LRP2: variants seen among roughly 807,000 people sequenced by gnomAD.
The protein encoded by LRP2 is low-density lipoprotein receptor-related protein 2.
Under a neutral mutation model 531.0 loss-of-function variants are expected in LRP2, and 172 were observed. The observed-to-expected ratio is 0.32, with a 90% CI of 0.29 to 0.37. The LOEUF is 0.37. Among genes scored for constraint, LRP2 ranks in the 10% least tolerant of loss-of-function variants. LRP2 has a pLI of 1.00. For synonymous variants in LRP2, 1,992 were observed against 2,027.6 expected (o/e 0.98, Z 0.47); for missense variants, 5,167 against 5,868.3 (o/e 0.88, Z 3.90).
chr2:169,362,200 C>T, intron 1 of LRP2, 121 bp downstream of exon 1: 1 of 822,322 alleles, frequency 1.2e-6, no homozygotes, highest in Non-Finnish European at 1.8e-6. Flanking sequence ...GGAGCAGCTC[C>T]CGCGCCGCCG....
chr2:169,259,190 A>T lies in LRP2; in HGVS notation c.2348T>A (p.Val783Glu). 1 of 1,613,096 alleles carries T rather than the reference A, an allele frequency of 6.2e-7. No homozygotes were observed. The change falls in exon 17 of 79, where the codon GTG (valine) becomes GAG (glutamate). Residue 783 changes from valine (V) to glutamate (E), a missense_variant. This residue lies in a region of LRP2 where 2,811 missense variants were observed against 3,058.0 expected (regional missense o/e 0.92). Transcript: ENST00000649046. ...AAAAGCCAAACTTTCAACATTTTCCACCCTGTTAGCTGCGAGAATTTCTCT... is the reference window on the plus strand; with the variant it reads ...AAAAGCCAAACTTTCAACATTTTCCTCCCTGTTAGCTGCGAGAATTTCTCT... ...TGREILAANR[V>E]ENVESLAFDW... is the part of the protein sequence containing the mutation.
chr2:169,169,798 C>G lies in LRP2; in HGVS notation c.11401G>C (p.Glu3801Gln). 1 of 1,612,838 alleles carries G rather than the reference C, an allele frequency of 6.2e-7. No individual in the cohort carries two copies. The stretch of plus-strand genomic sequence containing the variant: ...TGTCCACTTGTACACTGAAAATATT[C>G]AGGATGGCAGGTCCTCATCTCTGAA... ...RDCEMRTCHP[E>Q]YFQCTSGHCV... The change falls in exon 60 of 79, where the codon GAA becomes CAA. Residue 3801 changes from glutamate to glutamine, a missense_variant. Coordinates refer to ENST00000649046, the MANE Select transcript of LRP2 (RefSeq NM_004525.3).
intron 54 of LRP2, among the ~76,000 whole-genome samples, 185 bp from the exon 55 acceptor site, chr2:169,175,574 G>T (rs1177177004): frequency 6.6e-6 from 1 of 152,036 alleles, no homozygotes; most frequent in Non-Finnish European, 1.5e-5. Flanking sequence ...TGGCAAGATA[G>T]AACAGGTTTC....
At chr2:169,206,291 G>A (rs1327325721) in intron 39 of LRP2, 39 bp downstream of exon 39, 1 of 1,611,178 alleles carries the variant, frequency 6.2e-7, no homozygotes. Flanking sequence ...ACCCCATTGT[G>A]TCTACTTGCA....
chr2:169,336,535 A>ATC (rs1047785966), intron 1 of LRP2, among the ~76,000 whole-genome samples: 30 of 135,448 alleles, frequency 2.2e-4, no homozygotes, highest in South Asian at 1.6e-3. Context: ...GCAAGACTCC[A>ATC]TCACACACAC....
intron 4 of LRP2, among the ~76,000 whole-genome samples, chr2:169,302,745 T>TG (rs1290237065): frequency 2.0e-5 from 3 of 149,842 alleles, no homozygotes; most frequent in South Asian, 2.1e-4. Flanking sequence ...TGACCTGGGT[T>TG]TTTTTTTTTA....
intron 3 of LRP2, among the ~76,000 whole-genome samples, chr2:169,308,381 C>T (rs1684487264): frequency 6.6e-6 from 1 of 152,130 alleles, no homozygotes; most frequent in Admixed American, 6.5e-5. Context: ...CTCTCCCCTA[C>T]CCCACGACAG....
chr2:169,193,654 T>C (rs1687906325), intron 47 of LRP2, 107 bp downstream of exon 47: 1 of 1,381,702 alleles, frequency 7.2e-7, no homozygotes, highest in South Asian at 1.2e-5. Flanking sequence ...TCAGTGTCCA[T>C]TCAATTACAG....
At chr2:169,354,877 A>C (rs1267486400) in intron 1 of LRP2, among the ~76,000 whole-genome samples, 1 of 152,244 alleles carries the variant, frequency 6.6e-6, no homozygotes, top group Non-Finnish European at 1.5e-5. Context: ...GAAGCATCTT[A>C]ACCTGTCTGC....
chr2:169,359,472 T>A (rs963855575), intron 1 of LRP2, among the ~76,000 whole-genome samples: 2 of 152,224 alleles, frequency 1.3e-5, no homozygotes, highest in Admixed American at 6.5e-5. Flanking sequence ...CAATTTTTAG[T>A]GATGCGAAGT....
At chr2:169,208,626 T>C (rs1688482452) in intron 38 of LRP2, among the ~76,000 whole-genome samples, 1 of 152,014 alleles carries the variant, frequency 6.6e-6, no homozygotes, top group African/African-American at 2.4e-5. Flanking sequence ...CTGGTTAATT[T>C]TTGTGTTTTT....
At chr2:169,305,361 A>G (rs1320553576) in intron 4 of LRP2, among the ~76,000 whole-genome samples, 1 of 152,218 alleles carries the variant, frequency 6.6e-6, no homozygotes, top group South Asian at 2.1e-4. Flanking sequence ...TTTGCTTGCC[A>G]TAATCAATGT....
chr2:169,231,780 G>T lies in LRP2; in HGVS notation c.5161C>A (p.His1721Asn), dbSNP rs1208038689. Residue 1721 changes from histidine to asparagine, a missense_variant, in exon 31 of 79, where the codon CAT becomes AAT. Transcript: ENST00000649046. ...GAAGGACAAACACAGGAGTAAAAAT[G>T]AGGCCCCTGTGAGGAAAGCAGGCAG... ...HLCLLSSQGP[H>N]FYSCVCPSGW... is the part of the protein sequence containing the mutation. 1 of 1,614,110 alleles carries T rather than the reference G, an allele frequency of 6.2e-7. No individual in the cohort carries two copies. Among genetic ancestry groups the T allele is most frequent in the Non-Finnish European group, 8.5e-7 (1 of 1,179,998 alleles).
At chr2:169,130,017 T>C (rs1431793322) in intron 77 of LRP2, among the ~76,000 whole-genome samples, 1 of 152,160 alleles carries the variant, frequency 6.6e-6, no homozygotes. Context: ...GAAGAGGTCT[T>C]CACTTTAACC....
intron 34 of LRP2, among the ~76,000 whole-genome samples, chr2:169,217,314 C>T (rs1199140569): frequency 1.3e-5 from 2 of 152,078 alleles, no homozygotes; most frequent in African/African-American, 4.8e-5. Context: ...TCAATATACC[C>T]GTCCTTTGAA....
intron 75 of LRP2, 39 bp from the exon 76 acceptor site, chr2:169,137,532 AG>A: frequency 7.8e-7 from 1 of 1,283,136 alleles, no homozygotes; most frequent in Non-Finnish European, 1.1e-6. Context: ...AGAGAGAGAG[AG>A]AAACAGAGAG....
intron 1 of LRP2, among the ~76,000 whole-genome samples, chr2:169,333,365 C>G (rs1685315331): frequency 6.6e-6 from 1 of 151,878 alleles, no homozygotes; most frequent in African/African-American, 2.4e-5. Flanking sequence ...CTCCTAGTAC[C>G]CAGCCTACCC....
chr2:169,359,709 A>G (rs536502576), intron 1 of LRP2, among the ~76,000 whole-genome samples: 2 of 152,210 alleles, frequency 1.3e-5, no homozygotes, highest in African/African-American at 2.4e-5. Flanking sequence ...GAGATTCTGG[A>G]AAAAGATCCA....
Position 169,264,850 on chromosome 2 carries a change from C to A in LRP2, c.2321-5633G>T, listed in dbSNP as rs537550352. 2.5e-4 allele frequency among the ~76,000 whole-genome samples: 38 copies of A among 152,124 alleles called. No homozygotes were observed. In the South Asian group the frequency reaches 6.4e-3, roughly 26 times the overall value. ...TGAGTGTCACGCCACTCCTCTATCTCCTCTAAGGGACCACAGATTTTCTCT... is the reference window on the plus strand; with the variant it reads ...TGAGTGTCACGCCACTCCTCTATCTACTCTAAGGGACCACAGATTTTCTCT... On this transcript the variant is annotated intron_variant, in intron 16 of 78. Transcript: ENST00000649046.
Sources: gnomAD v4.1 joint callset for allele counts (sites outside exome capture counted in the v4.1 genomes callset) on GRCh38, gnomAD v4.1.1 for gene constraint, gnomAD v4.1.1 regional missense constraint, MANE v1.5 for transcripts, NCBI Gene and HGNC (gene_info 2026-07-23, HGNC 2026-07-21) for gene names.